Variants in NR6A1 observed in about 807,000 individuals in gnomAD.
The protein encoded by NR6A1 is nuclear receptor subfamily 6 group A member 1.
NR6A1 carries 7 observed loss-of-function variants against 59.1 expected under a neutral mutation model. The ratio of observed to expected loss-of-function variants is 0.12; its 90% CI spans 0.07 to 0.22. The LOEUF is 0.22. Among genes scored for constraint, NR6A1 ranks in the 10% least tolerant of loss-of-function variants. NR6A1 has a pLI of 1.00. For synonymous variants in NR6A1, 243 were observed against 236.1 expected, an observed-to-expected ratio of 1.03 and a Z score of -0.27; for missense variants, 468 against 611.6, an observed-to-expected ratio of 0.77 and a Z score of 2.48.
intron 1 of NR6A1, among the ~76,000 whole-genome samples, chr9:124,751,146 A>G (rs1840488665): frequency 6.6e-6 from 1 of 152,252 alleles, no homozygotes; most frequent in African/African-American, 2.4e-5. Context: ...TGGGCACACA[A>G]TAAATTTCAG....
chr9:124,653,799 T>G (rs188283002), intron 2 of NR6A1, among the ~76,000 whole-genome samples: 1 of 152,360 alleles, frequency 6.6e-6, no homozygotes, highest in Admixed American at 6.5e-5. Context: ...AATAGCTGAA[T>G]ACAACCTTAT....
chr9:124,727,296 C>A (rs1421760495), intron 2 of NR6A1, among the ~76,000 whole-genome samples: 1 of 152,142 alleles, frequency 6.6e-6, no homozygotes, highest in African/African-American at 2.4e-5. Flanking sequence ...TTTAGGATGG[C>A]CTTACTCCTT....
chr9:124,698,471 G>C (rs1838835252), intron 2 of NR6A1: 1 of 152,156 alleles, frequency 6.6e-6, no homozygotes, highest in Admixed American at 6.5e-5. Context: ...TTGGAGGACA[G>C]ATAAGTCATC....
chr9:124,543,719 A>C, intron 4 of NR6A1, 83 bp downstream of exon 4: 1 of 1,041,002 alleles, frequency 9.6e-7, no homozygotes, highest in South Asian at 1.7e-5. Flanking sequence ...CAGCAGATGA[A>C]AGAGTCAAGG....
chr9:124,649,975 C>T (rs1308045041), intron 2 of NR6A1, among the ~76,000 whole-genome samples: 3 of 152,128 alleles, frequency 2.0e-5, no homozygotes, highest in Non-Finnish European at 4.4e-5. Flanking sequence ...GGGAACACTT[C>T]TACACTGTTG....
chr9:124,664,751 T>C (rs1837554537), intron 2 of NR6A1, among the ~76,000 whole-genome samples: 1 of 152,136 alleles, frequency 6.6e-6, no homozygotes, highest in South Asian at 2.1e-4. Context: ...ATTCATCTAA[T>C]CAATATTAAG....
chr9:124,545,953 T>C (rs1159009458), intron 3 of NR6A1, among the ~76,000 whole-genome samples: 1 of 152,094 alleles, frequency 6.6e-6, no homozygotes, highest in Non-Finnish European at 1.5e-5. Flanking sequence ...ATGTCTCTAC[T>C]AAAAATTCAA....
At chr9:124,537,298 C>A (rs1182891742) in intron 6 of NR6A1, among the ~76,000 whole-genome samples, 1 of 152,114 alleles carries the variant, frequency 6.6e-6, no homozygotes, top group African/African-American at 2.4e-5. Context: ...CCATGTTGGC[C>A]AGCTCGTCTG....
rs1185622058 is a variant in NR6A1 at position 124,733,291 on chromosome 9, TAAC to T, written c.142+14_142+16del. 2 of 1,594,912 alleles carry T rather than the reference TAAC, an allele frequency of 1.3e-6. No homozygotes were observed. Among genetic ancestry groups the T allele is most frequent in the Admixed American group, 1.7e-5 (1 of 59,986 alleles). On this transcript the variant is annotated intron_variant, in intron 2 of 9. Coordinates refer to ENST00000487099, the MANE Select transcript of NR6A1 (RefSeq NM_033334.4). Reference sequence around the variant, plus strand: ...CCTTTTCTTACCAAAGAATATTGGGTAACATTGAGAACTTACTAGTGCCTGGGT... The same window carrying T: ...CCTTTTCTTACCAAAGAATATTGGGTATTGAGAACTTACTAGTGCCTGGGT...
rs138762253 is a variant in NR6A1, at chr9:124,538,181, G to C, written c.735C>G (p.Ser245Arg). 16 of 1,614,092 alleles carry C rather than the reference G, an allele frequency of 9.9e-6. No homozygotes were observed. The highest frequency in any genetic ancestry group is 1.4e-5 in the Non-Finnish European group (16 of 1,180,050). The change falls in exon 6 of 10, where the codon AGC becomes AGG. Residue 245 changes from serine to arginine, a missense_variant. This residue lies in a region of NR6A1 where 151 missense variants were observed against 142.8 expected (regional missense o/e 1.06). Coordinates refer to ENST00000487099, the MANE Select transcript of NR6A1 (RefSeq NM_033334.4). ...HSPLLPQQARSLDPQSYSLIH... is the reference protein window; with the variant it reads ...HSPLLPQQARRLDPQSYSLIH... ...TCAGACTGTATGACTGGGGATCCAG[G>C]CTGCGAGCTTGTTGGGGCAGAAGTG...
intron 2 of NR6A1, among the ~76,000 whole-genome samples, chr9:124,587,977 C>T (rs1331931305): frequency 6.6e-6 from 1 of 152,148 alleles, no homozygotes. Context: ...AAGTGATCCT[C>T]CTGCCTCAGC....
At chr9:124,684,520 C>T (rs1387408356) in intron 2 of NR6A1, among the ~76,000 whole-genome samples, 1 of 152,182 alleles carries the variant, frequency 6.6e-6, no homozygotes, top group East Asian at 1.9e-4. Flanking sequence ...CACCAACTCT[C>T]TCCTGAGGAT....
chr9:124,625,661 C>G (rs1836218152), intron 2 of NR6A1, among the ~76,000 whole-genome samples: 1 of 152,118 alleles, frequency 6.6e-6, no homozygotes. Context: ...TGCCAACTTG[C>G]TTGGCTGGGC....
intron 2 of NR6A1, among the ~76,000 whole-genome samples, chr9:124,724,215 T>C (rs1376999859): frequency 6.6e-6 from 1 of 152,120 alleles, no homozygotes; most frequent in Non-Finnish European, 1.5e-5. Flanking sequence ...TTCCTAATTA[T>C]GTAAAAGATG....
At chr9:124,744,057 A>G (rs1191378873) in intron 1 of NR6A1, among the ~76,000 whole-genome samples, 2 of 152,140 alleles carry the variant, frequency 1.3e-5, no homozygotes, top group African/African-American at 4.8e-5. Context: ...TGAGACCTCT[A>G]CAACAACAAC....
At chr9:124,688,516 T>C (rs1023852460) in intron 2 of NR6A1, among the ~76,000 whole-genome samples, 3 of 152,204 alleles carry the variant, frequency 2.0e-5, no homozygotes, top group Non-Finnish European at 4.4e-5. Context: ...GGTACAGAAC[T>C]TGGTGAAGTC....
Position 124,527,002 on chromosome 9 carries a change from G to C in NR6A1, c.1080-102C>G. 4 of 1,408,020 alleles carry C rather than the reference G, an allele frequency of 2.8e-6. No homozygotes were observed. The South Asian group carries it at 3.8e-5, about 13-fold the overall frequency. 87.2% of individuals were successfully genotyped at this position (1,408,020 alleles called of 1,614,324 possible). A position where few individuals can be genotyped will look rare whatever the true frequency, so the allele number is the denominator to read the frequency against. ...ACAGCTCCTTAAACAGGCTGAGCTT[G>C]GGGGAAATGGGATCCAAAGCCACTT... is the stretch of plus-strand genomic sequence containing the variant. On this transcript the variant is annotated intron_variant, in intron 7 of 9. Coordinates refer to ENST00000487099, the MANE Select transcript of NR6A1 (RefSeq NM_033334.4).
At chr9:124,649,261 A>G (rs1176130183) in intron 2 of NR6A1, among the ~76,000 whole-genome samples, 1 of 150,726 alleles carries the variant, frequency 6.6e-6, no homozygotes, top group Admixed American at 6.6e-5. Flanking sequence ...AAAAAGACAC[A>G]TAGACCGATG....
At chr9:124,714,552 G>A (rs1194260790) in intron 2 of NR6A1, among the ~76,000 whole-genome samples, 1 of 152,090 alleles carries the variant, frequency 6.6e-6, no homozygotes, top group Non-Finnish European at 1.5e-5. Flanking sequence ...ATCTTAGCCA[G>A]TGCAATAAGA....
Sources: allele counts gnomAD v4.1 joint callset (sites outside exome capture counted in the v4.1 genomes callset), GRCh38; gene constraint gnomAD v4.1.1; regional missense constraint gnomAD v4.1.1; transcripts MANE v1.5; gene names NCBI Gene and HGNC (gene_info 2026-07-23, HGNC 2026-07-21).